Variants in NRG1 observed in about 807,000 individuals in gnomAD.
NRG1 encodes the protein neuregulin 1.
A neutral mutation model predicts 63.8 loss-of-function variants in NRG1; 18 were observed. The ratio of observed to expected loss-of-function variants is 0.28; its 90% CI spans 0.19 to 0.42. The LOEUF (loss-of-function observed/expected upper bound fraction) is 0.42, where lower values mean the gene tolerates loss of function less well. Among genes scored for constraint, NRG1 ranks in the 10% least tolerant of loss-of-function variants. The pLI is 1.00. For synonymous variants in NRG1, 302 were observed against 301.3 expected, an observed-to-expected ratio of 1.00 and a Z score of -0.02; for missense variants, 762 against 814.7, an observed-to-expected ratio of 0.94 and a Z score of 0.79.
chr8:32,659,800 A>G (rs904089006), intron 5 of NRG1, among the ~76,000 whole-genome samples: 8 of 151,834 alleles, frequency 5.3e-5, no homozygotes, highest in African/African-American at 1.5e-4. Context: ...TTTCTCTTCC[A>G]TGTTTTTGCT....
At chr8:32,058,248 C>T (rs567357866) in intron 1 of NRG1, among the ~76,000 whole-genome samples, 16 of 151,990 alleles carry the variant, frequency 1.1e-4, no homozygotes, top group African/African-American at 3.9e-4. Flanking sequence ...AACTCAAACT[C>T]ATAAGTAAAG....
chr8:31,696,841 C>A (rs950399181), intron 1 of NRG1, among the ~76,000 whole-genome samples: 2 of 152,156 alleles, frequency 1.3e-5, no homozygotes, highest in Admixed American at 6.5e-5. Context: ...TACACTGCCT[C>A]TCAGAGTGTG....
In NRG1 at chr8:32,489,038, G is replaced by A. The variant is rs879444017; in HGVS notation, c.38-106790G>A. Among the ~76,000 whole-genome samples, 30 of 152,306 alleles carry A rather than the reference G, an allele frequency of 2.0e-4. 1 individual carries two copies. The highest frequency in any genetic ancestry group is 1.9e-3 in the Admixed American group (29 of 15,304). On this transcript the variant is annotated intron_variant, in intron 1 of 10. Coordinates refer to the NRG1 transcript ENST00000519301. ...ATGAAAAGAAAGTAAAATACACTTGGAAGAGGGCCAAGCAGACATCTTGGA... is the reference window on the plus strand; with the variant it reads ...ATGAAAAGAAAGTAAAATACACTTGAAAGAGGGCCAAGCAGACATCTTGGA...
intron 1 of NRG1, among the ~76,000 whole-genome samples, chr8:32,185,998 T>G (rs973415204): frequency 1.3e-5 from 2 of 152,206 alleles, no homozygotes; most frequent in African/African-American, 4.8e-5. Flanking sequence ...TGAGGTTAGA[T>G]CTTATAGAAG....
At chr8:32,606,413 A>G (rs1372747490) in intron 3 of NRG1, among the ~76,000 whole-genome samples, 1 of 152,020 alleles carries the variant, frequency 6.6e-6, no homozygotes, top group Non-Finnish European at 1.5e-5. Flanking sequence ...CTTTGTTCAG[A>G]ATAGTACCAG....
intron 1 of NRG1, among the ~76,000 whole-genome samples, chr8:32,118,383 C>CA (rs1243214145): frequency 6.6e-6 from 1 of 152,072 alleles, no homozygotes; most frequent in Non-Finnish European, 1.5e-5. Context: ...CCTCTCTCTC[C>CA]ATGTGATCTC....
At chr8:32,764,455 G>A in exon 12 of NRG1, 11 of 1,371,170 alleles carry the variant, frequency 8.0e-6, no homozygotes, top group Non-Finnish European at 1.1e-5. Context: ...ATATAATAAA[G>A]TATTCCACCT....
intron 1 of NRG1, chr8:32,061,715 GT>G (rs1342852169): frequency 6.6e-6 from 1 of 151,894 alleles, no homozygotes; most frequent in Non-Finnish European, 1.5e-5. Context: ...TTTGGTTTTG[GT>G]GAATGCCCAC....
intron 1 of NRG1, among the ~76,000 whole-genome samples, chr8:32,437,628 A>G (rs1818954364): frequency 1.3e-5 from 2 of 152,182 alleles, no homozygotes; most frequent in Non-Finnish European, 2.9e-5. Flanking sequence ...AGAGCTTGCA[A>G]AATACCTTAC....
intron 1 of NRG1, among the ~76,000 whole-genome samples, chr8:32,389,637 G>T (rs185971467): frequency 1.3e-5 from 2 of 152,176 alleles, no homozygotes; most frequent in African/African-American, 2.4e-5. Context: ...CTGCCTAAAT[G>T]GTCTCCTACT....
chr8:32,730,157 A>G (rs950617976), intron 6 of NRG1, among the ~76,000 whole-genome samples: 1 of 152,230 alleles, frequency 6.6e-6, no homozygotes, highest in Non-Finnish European at 1.5e-5. Context: ...TTAAAGCAAG[A>G]TGAAATACGA....
rs570484037 is a variant in NRG1 at position 31,686,204 on chromosome 8, G to T, written c.37+46773G>T. Among the ~76,000 whole-genome samples, 4 of 152,190 alleles carry T rather than the reference G, an allele frequency of 2.6e-5. No individual in the cohort carries two copies. In the South Asian group the frequency reaches 6.2e-4, roughly 24 times the overall value. On this transcript the variant is annotated intron_variant, in intron 1 of 10. Coordinates refer to the NRG1 transcript ENST00000519301. ...TTACATAAAATCTGTCTCCAAAATG[G>T]TGTTTGGCAAAAATCATTATTAAAA...
chr8:31,949,309 C>T (rs755347267), intron 1 of NRG1, among the ~76,000 whole-genome samples: 3 of 152,186 alleles, frequency 2.0e-5, no homozygotes, highest in Non-Finnish European at 4.4e-5. Flanking sequence ...ATATTCCCCT[C>T]TCGCTGTCTT....
chr8:31,946,700 G>T (rs957141443), intron 1 of NRG1, among the ~76,000 whole-genome samples: 2 of 152,146 alleles, frequency 1.3e-5, no homozygotes, highest in Non-Finnish European at 2.9e-5. Context: ...AGAAAATGGT[G>T]TCCCCTCCAG....
chr8:31,743,592 G>A (rs1040488762), intron 1 of NRG1, among the ~76,000 whole-genome samples: 4 of 151,876 alleles, frequency 2.6e-5, no homozygotes, highest in Non-Finnish European at 5.9e-5. Context: ...GTGTGTGGGT[G>A]TGTGTGTGCA....
chr8:32,393,344 T>C (rs1270416981), intron 1 of NRG1, among the ~76,000 whole-genome samples: 1 of 152,164 alleles, frequency 6.6e-6, no homozygotes, highest in African/African-American at 2.4e-5. Flanking sequence ...GTTGCTGTTA[T>C]AAATTAAACT....
intron 1 of NRG1, among the ~76,000 whole-genome samples, chr8:32,360,880 A>G (rs996414161): frequency 5.9e-5 from 9 of 152,090 alleles, no homozygotes; most frequent in Admixed American, 1.3e-4. Flanking sequence ...AGGCCATTAA[A>G]CTCATGAGGT....
chr8:32,200,371 G>A lies in NRG1; in HGVS notation c.38-395457G>A, dbSNP rs1284532902. ...TCTTAGTGTTCATTTCATAGAGCAC[G>A]TTGTTCTCCTTTAAGAGGTCATATC... On this transcript the variant is annotated intron_variant, in intron 1 of 10. Coordinates refer to the NRG1 transcript ENST00000519301. Among the ~76,000 whole-genome samples the A allele has an allele frequency of 1.2e-4, 19 of 152,250 alleles. 1 individual carries two copies. Among genetic ancestry groups the A allele is most frequent in the Admixed American group, 9.8e-4 (15 of 15,284 alleles).
At chr8:31,787,670 C>T (rs61322609) in intron 1 of NRG1, among the ~76,000 whole-genome samples, 2 of 152,014 alleles carry the variant, frequency 1.3e-5, no homozygotes, top group Admixed American at 6.6e-5. Flanking sequence ...AGCTTATTTT[C>T]GTAATTAGAG....
Sources: allele counts gnomAD v4.1 joint callset (sites outside exome capture counted in the v4.1 genomes callset), GRCh38; gene constraint gnomAD v4.1.1; transcripts MANE v1.5; gene names NCBI Gene and HGNC (gene_info 2026-07-23, HGNC 2026-07-21).